Variants in KIAA1328 observed in about 807,000 individuals in gnomAD.
KIAA1328 encodes protein hinderin.
A neutral mutation model predicts 68.1 loss-of-function variants in KIAA1328; 52 were observed. The ratio of observed to expected loss-of-function variants is 0.76; its 90% CI spans 0.61 to 0.96. KIAA1328 has a LOEUF of 0.96. Ranked by LOEUF, KIAA1328 falls within the 40% of genes least tolerant of loss-of-function variation. The pLI is 0.00. For synonymous variants in KIAA1328, 232 were observed against 239.4 expected (o/e 0.97, Z 0.28); for missense variants, 641 against 677.6 (o/e 0.95, Z 0.60).
chr18:36,835,180 G>C, intron 2 of KIAA1328, 54 bp from the exon 3 acceptor site: 2 of 1,499,684 alleles, frequency 1.3e-6, no homozygotes, highest in Non-Finnish European at 1.8e-6. Context: ...TGATGGGGGA[G>C]GGTTTAAGAT....
chr18:37,204,762 C>T (rs1200768889), intron 9 of KIAA1328, among the ~76,000 whole-genome samples: 1 of 103,392 alleles, frequency 9.7e-6, no homozygotes, highest in Non-Finnish European at 2.1e-5. Context: ...GAGTTTCAGT[C>T]AAAAAAAAAA....
intron 1 of KIAA1328, chr18:36,829,463 GAGTCCAGGCTC>G (rs2046382500): frequency 7.8e-7 from 1 of 1,286,054 alleles, no homozygotes; most frequent in African/African-American, 1.6e-5. Flanking sequence ...AGATAGCCTT[GAGTCCAGGCTC>G]AGTCCAGGGC....
At chr18:37,027,993 A>T (rs960608695) in intron 6 of KIAA1328, among the ~76,000 whole-genome samples, 3 of 151,966 alleles carry the variant, frequency 2.0e-5, no homozygotes, top group Non-Finnish European at 2.9e-5. Flanking sequence ...GAATCTACAA[A>T]GAACTCAAAC....
chr18:36,853,092 A>G (rs1392027411), intron 4 of KIAA1328, among the ~76,000 whole-genome samples: 1 of 152,204 alleles, frequency 6.6e-6, no homozygotes, highest in Non-Finnish European at 1.5e-5. Flanking sequence ...TAATATAGCA[A>G]ACTAAACTGT....
intron 4 of KIAA1328, among the ~76,000 whole-genome samples, chr18:36,876,583 G>A (rs1489684999): frequency 6.6e-6 from 1 of 151,746 alleles, no homozygotes; most frequent in Non-Finnish European, 1.5e-5. Context: ...TTATTAGTCT[G>A]GCTAGCAGTC....
intron 6 of KIAA1328, among the ~76,000 whole-genome samples, chr18:37,003,943 A>G (rs1048249959): frequency 6.6e-6 from 1 of 152,084 alleles, no homozygotes; most frequent in African/African-American, 2.4e-5. Context: ...CCATTGGTCT[A>G]TGTGCCCATT....
At chr18:37,111,797 C>T (rs1297116426) in intron 7 of KIAA1328, among the ~76,000 whole-genome samples, 4 of 152,178 alleles carry the variant, frequency 2.6e-5, no homozygotes, top group African/African-American at 7.2e-5. Flanking sequence ...ACAGACAGCA[C>T]CTGGAAAATT....
intron 8 of KIAA1328, among the ~76,000 whole-genome samples, chr18:37,161,098 C>A (rs1482848671): frequency 1.3e-5 from 2 of 152,108 alleles, no homozygotes; most frequent in East Asian, 3.9e-4. Flanking sequence ...ACCTCTGAGC[C>A]CTCTCCTGCT....
At chr18:36,911,275 TG>T (rs1470327739) in intron 5 of KIAA1328, among the ~76,000 whole-genome samples, 2 of 152,182 alleles carry the variant, frequency 1.3e-5, no homozygotes, top group African/African-American at 4.8e-5. Context: ...CCTAAGGTCT[TG>T]GCATTTTTAG....
At chr18:37,055,505 G>A (rs996959101) in intron 6 of KIAA1328, among the ~76,000 whole-genome samples, 7 of 152,172 alleles carry the variant, frequency 4.6e-5, no homozygotes, top group Non-Finnish European at 7.3e-5. Context: ...AGAGTTAATT[G>A]CATGGGGGAA....
intron 4 of KIAA1328, among the ~76,000 whole-genome samples, chr18:36,873,308 A>G (rs2048009365): frequency 6.6e-6 from 1 of 152,228 alleles, no homozygotes; most frequent in South Asian, 2.1e-4. Flanking sequence ...ACACATTATT[A>G]AACATGATAG....
In KIAA1328 at chr18:36,963,362, G is replaced by A. The variant is rs536477109; in HGVS notation, c.576+3927G>A. Among the ~76,000 whole-genome samples the A allele has an allele frequency of 3.3e-5, 5 of 152,230 alleles. No individual in the cohort carries two copies. The East Asian group carries it at 7.7e-4, about 24-fold the overall frequency. Reference sequence around the variant, plus strand: ...TAGATGTGTGAAGAGGGCACAAAACGGAAGGCCAATCCATTTGGCAAGGAT... The same window carrying A: ...TAGATGTGTGAAGAGGGCACAAAACAGAAGGCCAATCCATTTGGCAAGGAT... On this transcript the variant is annotated intron_variant, in intron 6 of 9. Coordinates refer to ENST00000280020, the MANE Select transcript of KIAA1328 (RefSeq NM_020776.3).
At chr18:36,946,139 T>C (rs987315604) in intron 5 of KIAA1328, 2 of 152,192 alleles carry the variant, frequency 1.3e-5, no homozygotes, top group Admixed American at 1.3e-4. Flanking sequence ...AAAATAGAAA[T>C]GTTACACTGC....
intron 5 of KIAA1328, among the ~76,000 whole-genome samples, chr18:36,956,155 A>G (rs2901841): frequency 0.73 from 111,400 of 152,066 alleles, 43,942 homozygotes; most frequent in South Asian, 0.89. Context: ...ATTTTCCACA[A>G]CCATTTCAGC....
intron 6 of KIAA1328, among the ~76,000 whole-genome samples, chr18:37,055,788 A>G (rs1205866124): frequency 1.3e-5 from 2 of 152,344 alleles, no homozygotes; most frequent in African/African-American, 4.8e-5. Context: ...TTGAAGTTAC[A>G]AAACTGAGAT....
At chr18:37,225,995 A>C (rs1275478309), downstream of KIAA1328, among the ~76,000 whole-genome samples, 3 of 152,200 alleles carry the variant, frequency 2.0e-5, no homozygotes, top group Non-Finnish European at 2.9e-5. Context: ...TCTGGGAATC[A>C]AGGGACTTCA....
intron 6 of KIAA1328, among the ~76,000 whole-genome samples, chr18:37,025,985 A>T (rs187730020): frequency 2.0e-5 from 3 of 152,222 alleles, no homozygotes; most frequent in Non-Finnish European, 4.4e-5. Flanking sequence ...AGCAAGACTA[A>T]CAAAGAAGAA....
intron 6 of KIAA1328, among the ~76,000 whole-genome samples, chr18:37,047,016 C>T (rs1465851016): frequency 3.3e-5 from 5 of 152,114 alleles, no homozygotes; most frequent in African/African-American, 1.2e-4. Context: ...CCTGTAGTCC[C>T]AGCTACTCGG....
At chr18:37,001,563 AAAAG>A (rs2053586232) in intron 6 of KIAA1328, among the ~76,000 whole-genome samples, 1 of 152,166 alleles carries the variant, frequency 6.6e-6, no homozygotes, top group South Asian at 2.1e-4. Flanking sequence ...GACATACACA[AAAAG>A]AAAATTACAG....
Sources: allele counts gnomAD v4.1 joint callset (sites outside exome capture counted in the v4.1 genomes callset), GRCh38; gene constraint gnomAD v4.1.1; transcripts MANE v1.5; gene names NCBI Gene and HGNC (gene_info 2026-07-23, HGNC 2026-07-21).